FYN: variants seen among roughly 807,000 people sequenced by gnomAD.
FYN encodes the protein FYN proto-oncogene, Src family tyrosine kinase, also known as tyrosine-protein kinase Fyn.
FYN carries 10 observed loss-of-function variants against 70.2 expected under a neutral mutation model. The observed-to-expected ratio is 0.14, with a 90% CI of 0.09 to 0.24. The LOEUF is 0.24. Among genes scored for constraint, FYN ranks in the 10% least tolerant of loss-of-function variants. The pLI is 1.00. For missense variants in FYN, 319 were observed against 673.1 expected, an observed-to-expected ratio of 0.47 and a Z score of 5.82; for synonymous variants, 236 against 248.6, an observed-to-expected ratio of 0.95 and a Z score of 0.48.
intron 5 of FYN, 64 bp from the exon 6 acceptor site, chr6:111,708,084 T>C: frequency 8.0e-7 from 1 of 1,249,666 alleles, no homozygotes; most frequent in Non-Finnish European, 1.2e-6. Context: ...AGAGACTCAC[T>C]GTGGTCTGAA....
At chr6:111,765,246 A>G (rs539634898) in intron 3 of FYN, among the ~76,000 whole-genome samples, 1 of 152,234 alleles carries the variant, frequency 6.6e-6, no homozygotes, top group South Asian at 2.1e-4. Context: ...CATGTGTTGA[A>G]GCCCTAACCC....
At chr6:111,869,068 C>CA (rs554308714) in intron 1 of FYN, among the ~76,000 whole-genome samples, 318 of 151,790 alleles carry the variant, frequency 2.1e-3, no homozygotes, top group Admixed American at 5.4e-3. Context: ...GTATTCATGG[C>CA]AAAAAAAAGT....
chr6:111,819,059 G>C (rs1455778216), intron 2 of FYN, among the ~76,000 whole-genome samples: 1 of 152,154 alleles, frequency 6.6e-6, no homozygotes, highest in Non-Finnish European at 1.5e-5. Context: ...AACACTGTCA[G>C]CAGCTCTCCT....
chr6:111,689,317 A>C (rs1164625694), intron 12 of FYN, among the ~76,000 whole-genome samples: 1 of 152,208 alleles, frequency 6.6e-6, no homozygotes, highest in Admixed American at 6.5e-5. Context: ...CCTCACTAGC[A>C]GCTTAGAGGC....
chr6:111,846,349 A>G (rs1040467503), intron 2 of FYN, among the ~76,000 whole-genome samples: 1 of 152,174 alleles, frequency 6.6e-6, no homozygotes, highest in Non-Finnish European at 1.5e-5. Flanking sequence ...TGTTCCCATA[A>G]ATTACCAGAA....
At chr6:111,748,031 A>G (rs1802309040) in intron 3 of FYN, among the ~76,000 whole-genome samples, 1 of 152,268 alleles carries the variant, frequency 6.6e-6, no homozygotes. Context: ...AGGCACATAG[A>G]AAGCAAGATG....
intron 2 of FYN, among the ~76,000 whole-genome samples, chr6:111,820,963 G>C (rs1286830339): frequency 6.6e-6 from 1 of 152,130 alleles, no homozygotes; most frequent in Non-Finnish European, 1.5e-5. Context: ...CTATCCAGGG[G>C]TTAACCATGA....
chr6:111,672,992 T>G (rs1248964596), intron 13 of FYN, among the ~76,000 whole-genome samples: 1 of 152,214 alleles, frequency 6.6e-6, no homozygotes, highest in Non-Finnish European at 1.5e-5. Flanking sequence ...TTTGTATTAC[T>G]GGAAGGGAAG....
intron 9 of FYN, among the ~76,000 whole-genome samples, chr6:111,698,851 G>A (rs1438372649): frequency 1.3e-5 from 2 of 152,198 alleles, no homozygotes; most frequent in Non-Finnish European, 2.9e-5. Context: ...TTGGGAGGAT[G>A]AAGCTGGCAG....
chr6:111,708,049 T>C (rs367695296), intron 5 of FYN, 29 bp from the exon 6 acceptor site: 2 of 1,552,348 alleles, frequency 1.3e-6, no homozygotes, highest in South Asian at 1.1e-5. Flanking sequence ...AGTAAATATG[T>C]TGACCATTTC....
intron 3 of FYN, among the ~76,000 whole-genome samples, chr6:111,767,601 C>G (rs1803280209): frequency 6.6e-6 from 1 of 152,212 alleles, no homozygotes; most frequent in Admixed American, 6.5e-5. Context: ...GGGGTTTCAC[C>G]ATGTCAGCCA....
At chr6:111,777,792 C>T (rs977251664) in intron 3 of FYN, among the ~76,000 whole-genome samples, 3 of 152,158 alleles carry the variant, frequency 2.0e-5, no homozygotes, top group Non-Finnish European at 2.9e-5. Context: ...AATGAAAAAT[C>T]GGAATCTGTG....
chr6:111,830,185 A>G (rs1373694794), intron 2 of FYN, among the ~76,000 whole-genome samples: 1 of 152,192 alleles, frequency 6.6e-6, no homozygotes, highest in Non-Finnish European at 1.5e-5. Flanking sequence ...CAGTGACTTA[A>G]TACACAGAAA....
intron 4 of FYN, 31 bp downstream of exon 4, chr6:111,719,774 C>G (rs1210626086): frequency 6.2e-7 from 1 of 1,603,178 alleles, no homozygotes; most frequent in African/African-American, 1.3e-5. Flanking sequence ...TGGCTGCCCC[C>G]TCTCTGCACT....
In FYN at chr6:111,833,024, C is replaced by T. The variant is rs1773069604; in HGVS notation, c.-82+13565G>A. ...AGGAATGCTAACAAAATAAGTTAGG[C>T]TTACTAAAATCTAGATATGAAAGAA... On this transcript the variant is annotated intron_variant, in intron 2 of 13. Transcript: ENST00000354650. Among the ~76,000 whole-genome samples the T allele has an allele frequency of 3.3e-5, 5 of 152,274 alleles. No homozygotes were observed. The South Asian group carries it at 1.0e-3, about 32-fold the overall frequency.
chr6:111,713,048 T>C (rs529922620), intron 5 of FYN, among the ~76,000 whole-genome samples: 36 of 152,246 alleles, frequency 2.4e-4, no homozygotes, highest in African/African-American at 8.7e-4. Context: ...CCTTTGTTAA[T>C]GATGACAATC....
Position 111,696,293 on chromosome 6 carries a change from G to C in FYN, c.1026C>G (p.Thr342=), listed in dbSNP as rs144988570. The change falls in exon 10 of 14, where the codon ACC becomes ACG. Residue 342 remains threonine, a synonymous_variant. Transcript: ENST00000354650. ...VVSEEPIYIV[T]EYMNKGSLLD... is the part of the protein sequence containing the mutation. ...TTGCCCAACCTTTGTTCATATACTC[G>C]GTGACGATGTAGATGGGCTCCTCAG... 1.1e-4 allele frequency: 178 copies of C among 1,610,300 alleles called. 2 individuals carry two copies. In the East Asian group the frequency reaches 1.2e-3, roughly 11 times the overall value.
Position 111,694,894 on chromosome 6 carries a change from C to T in FYN, c.1043-190G>A, listed in dbSNP as rs1799506808. Reference sequence around the variant, plus strand: ...TATAGGCATGGAGAAGTAACAGTTACCTTTTAAAAACAAACAGCATTAATT... The same window carrying T: ...TATAGGCATGGAGAAGTAACAGTTATCTTTTAAAAACAAACAGCATTAATT... On this transcript the variant is annotated intron_variant, in intron 10 of 13. Coordinates refer to ENST00000354650, the MANE Select transcript of FYN (RefSeq NM_002037.5). This position sits in a 1 kb window ranked among gnomAD's most constrained non-coding sequence, Gnocchi z 5.0. 6.6e-6 allele frequency among the ~76,000 whole-genome samples: 1 copy of T among 152,134 alleles called. No individual in the cohort carries two copies. The highest frequency in any genetic ancestry group is 1.5e-5 in the Non-Finnish European group (1 of 68,020).
intron 6 of FYN, among the ~76,000 whole-genome samples, chr6:111,704,886 C>A (rs1800000346): frequency 6.6e-6 from 1 of 151,786 alleles, no homozygotes; most frequent in South Asian, 2.1e-4. Flanking sequence ...CATGGTGAAA[C>A]CCCATCTCCA....
Sources: gnomAD v4.1 joint callset for allele counts (sites outside exome capture counted in the v4.1 genomes callset) on GRCh38, gnomAD v4.1.1 for gene constraint, Gnocchi (gnomAD v3.1) non-coding constraint, MANE v1.5 for transcripts, NCBI Gene and HGNC (gene_info 2026-07-23, HGNC 2026-07-21) for gene names.